The following EXPH5 variants were observed in gnomAD, a reference collection of about 807,000 sequenced individuals.
EXPH5 encodes exophilin 5.
Under a neutral mutation model 41.1 loss-of-function variants are expected in EXPH5, and 42 were observed. That is an observed-to-expected ratio of 1.02 (90% CI 0.80 to 1.32). EXPH5 has a LOEUF of 1.32. Ranked by LOEUF, EXPH5 falls within the 40% of genes most tolerant of loss-of-function variation. EXPH5 has a pLI of 0.00. For synonymous variants in EXPH5, 798 were observed against 833.5 expected (o/e 0.96, Z 0.73); for missense variants, 2,298 against 2,314.5 (o/e 0.99, Z 0.15).
chr11:108,585,930 T>G (rs926492950), intron 1 of EXPH5, among the ~76,000 whole-genome samples: 1 of 152,102 alleles, frequency 6.6e-6, no homozygotes, highest in Non-Finnish European at 1.5e-5. Context: ...AATGAATTAT[T>G]TATTTATTTG....
intron 3 of EXPH5, among the ~76,000 whole-genome samples, chr11:108,532,356 ATATATATATATTTTTTTTTTTTTTTT>A (rs1220738938): frequency 0.043 from 862 of 20,200 alleles, 69 homozygotes; most frequent in African/African-American, 0.22. Context: ...ATATATATAT[ATATATATATATTTTTTTTTTTTTTTT>A]TTTTTTTTTT....
In EXPH5 at chr11:108,510,078, CTT is replaced by C. The variant is rs1334661904; in HGVS notation, c.5427_5428del (p.Ser1810ProfsTer12). ...GCGCTCCCTGACTTTTGGAGGATGG[CTT>C]TTTCGTAGTAGATCGCCATGAACAT... On this transcript the variant is annotated frameshift_variant, in exon 6 of 6. Coordinates refer to ENST00000265843, the MANE Select transcript of EXPH5 (RefSeq NM_015065.3). LOFTEE classifies it high-confidence loss of function. 6.2e-7 allele frequency: 1 copy of C among 1,611,944 alleles called. No individual in the cohort carries two copies. The highest frequency in any genetic ancestry group is 1.3e-5 in the African/African-American group (1 of 74,772).
Position 108,514,566 on chromosome 11 carries a change from T to C in EXPH5, c.941A>G (p.Asn314Ser), listed in dbSNP as rs1167308690. ...RVFKEDYVQK[N>S]TFGSTSLCFD... is the part of the protein sequence containing the mutation. ...ACACAGCGAAGTACTGCCAAAAGTA[T>C]TCTTTTGCACATAATCTTCTTTAAA... Residue 314 changes from asparagine (N) to serine (S), a missense_variant, in exon 6 of 6, where the codon AAT becomes AGT. Asn to Ser is a conservative substitution (Grantham distance 46, BLOSUM62 1). Coordinates refer to ENST00000265843, the MANE Select transcript of EXPH5 (RefSeq NM_015065.3). The C allele has an allele frequency of 1.2e-6, 2 of 1,614,076 alleles. No individual in the cohort carries two copies. The highest frequency in any genetic ancestry group is 1.7e-6 in the Non-Finnish European group (2 of 1,179,984).
At position 108,518,351 on chromosome 11, in the gene EXPH5, G is replaced by C; in HGVS notation, c.515C>G (p.Pro172Arg). The C allele has an allele frequency of 6.2e-7, 1 of 1,613,744 alleles. No individual in the cohort carries two copies. Among genetic ancestry groups the C allele is most frequent in the Non-Finnish European group, 8.5e-7 (1 of 1,179,874 alleles). ...AAVQAKIYNS[P>R]LENHLVDSTF... ...ACTGTCAACTAGATGATTTTCCAGA[G>C]GTGAATTGTATATTTTTGCCTGCTA... Residue 172 changes from proline to arginine, a missense_variant, in exon 5 of 6, where the codon CCT (proline) becomes CGT (arginine). Coordinates refer to ENST00000265843, the MANE Select transcript of EXPH5 (RefSeq NM_015065.3).
At chr11:108,590,950 G>C (rs1020239208) in intron 1 of EXPH5, among the ~76,000 whole-genome samples, 1 of 152,216 alleles carries the variant, frequency 6.6e-6, no homozygotes, top group Non-Finnish European at 1.5e-5. Flanking sequence ...ACCGGGCCCA[G>C]CCCCAACTAT....
chr11:108,538,965 C>CT, intron 3 of EXPH5, 59 bp downstream of exon 3: 1 of 1,378,434 alleles, frequency 7.3e-7, no homozygotes, highest in Non-Finnish European at 9.8e-7. Context: ...ACAAAACAGG[C>CT]TGCTGGCCTC....
intron 4 of EXPH5, among the ~76,000 whole-genome samples, chr11:108,525,500 G>A (rs1375551180): frequency 6.6e-6 from 1 of 152,216 alleles, no homozygotes; most frequent in Non-Finnish European, 1.5e-5. Context: ...TGATCTCTAA[G>A]TGTTTCTCTA....
At chr11:108,589,260 T>A (rs1427561955) in intron 1 of EXPH5, among the ~76,000 whole-genome samples, 1 of 152,182 alleles carries the variant, frequency 6.6e-6, no homozygotes, top group African/African-American at 2.4e-5. Flanking sequence ...AGACATCCAA[T>A]GTCTCTAGAA....
intron 4 of EXPH5, 138 bp downstream of exon 4, chr11:108,527,997 GA>G: frequency 1.7e-6 from 1 of 583,624 alleles, no homozygotes; most frequent in Middle Eastern, 4.3e-4. Flanking sequence ...GGGAAAATTT[GA>G]ACTCTTAGGG....
At chr11:108,600,691 C>A in the EXPH5 span, among the ~76,000 whole-genome samples, 1 of 152,144 alleles carries the variant, frequency 6.6e-6, no homozygotes, top group Admixed American at 6.5e-5. Flanking sequence ...ATTTTAAGTA[C>A]TTTTTGGTTC....
In EXPH5 at chr11:108,509,436, C is replaced by T. The variant is rs141544427; in HGVS notation, c.*101G>A. ...GTGGGACATTTCAGAGCAGACACTG[C>T]CCAGACTAGATCTTTTATCCTTCCA... On this transcript the variant is annotated 3_prime_UTR_variant, in exon 6 of 6. Coordinates refer to ENST00000265843, the MANE Select transcript of EXPH5 (RefSeq NM_015065.3). 246 of 1,166,978 alleles carry T rather than the reference C, an allele frequency of 2.1e-4. 1 individual carries two copies. In the East Asian group the frequency reaches 5.6e-3, roughly 26 times the overall value. The allele number at this position is 1,166,978 out of a possible 1,614,324, so 72.3% of individuals were successfully genotyped here.
At chr11:108,535,243 T>C (rs1490631126) in intron 3 of EXPH5, among the ~76,000 whole-genome samples, 1 of 152,190 alleles carries the variant, frequency 6.6e-6, no homozygotes, top group Non-Finnish European at 1.5e-5. Context: ...TGGAGCCTGA[T>C]TATGTGTCTT....
chr11:108,574,967 G>A (rs2094075016), intron 1 of EXPH5, among the ~76,000 whole-genome samples: 1 of 152,164 alleles, frequency 6.6e-6, no homozygotes, highest in African/African-American at 2.4e-5. Flanking sequence ...TAAACCAGCT[G>A]GCAGCTACCT....
intron 4 of EXPH5, among the ~76,000 whole-genome samples, chr11:108,526,813 T>C (rs1274021557): frequency 6.6e-6 from 1 of 152,194 alleles, no homozygotes; most frequent in Non-Finnish European, 1.5e-5. Context: ...AAACCTCACT[T>C]TCTTCATCTT....
intron 3 of EXPH5, chr11:108,537,870 AT>A (rs2093889239): frequency 1.7e-6 from 1 of 574,066 alleles, no homozygotes; most frequent in Non-Finnish European, 2.2e-6. Flanking sequence ...TCAAATAAAT[AT>A]TTACTGGGCA....
At chr11:108,575,679 T>C (rs1470000335) in intron 1 of EXPH5, among the ~76,000 whole-genome samples, 10 of 152,306 alleles carry the variant, frequency 6.6e-5, no homozygotes, top group Non-Finnish European at 5.9e-5. Context: ...GTGTTAAAAG[T>C]AATGTGGGCG....
chr11:108,539,770 A>C (rs1406823845), intron 2 of EXPH5, among the ~76,000 whole-genome samples: 1 of 151,908 alleles, frequency 6.6e-6, no homozygotes, highest in East Asian at 1.9e-4. Context: ...AATCCAAAAA[A>C]ATTTGAGCAC....
At chr11:108,540,928 C>T (rs1237424487) in intron 2 of EXPH5, among the ~76,000 whole-genome samples, 1 of 151,552 alleles carries the variant, frequency 6.6e-6, no homozygotes, top group Non-Finnish European at 1.5e-5. Flanking sequence ...ATTTGAGGTG[C>T]AGTCTTACCG....
intron 1 of EXPH5, among the ~76,000 whole-genome samples, chr11:108,578,563 G>C (rs2094087224): frequency 6.6e-6 from 1 of 151,994 alleles, no homozygotes; most frequent in South Asian, 2.1e-4. Context: ...TTCTATTTCT[G>C]TGAAGAATTT....
Sources: gnomAD v4.1 joint callset for allele counts (sites outside exome capture counted in the v4.1 genomes callset) on GRCh38, gnomAD v4.1.1 for gene constraint, MANE v1.5 for transcripts, NCBI Gene and HGNC (gene_info 2026-07-23, HGNC 2026-07-21) for gene names.